ECEL1: variants seen among roughly 807,000 people sequenced by gnomAD.
ECEL1 encodes endothelin converting enzyme like 1.
ECEL1 carries 87 observed loss-of-function variants against 101.8 expected under a neutral mutation model. The ratio of observed to expected loss-of-function variants is 0.85; its 90% CI spans 0.72 to 1.02. The LOEUF is 1.02. ECEL1 is among the 50% of genes least tolerant of loss of function. The pLI is 0.00. For synonymous variants in ECEL1, 487 were observed against 468.7 expected, an observed-to-expected ratio of 1.04 and a Z score of -0.50; for missense variants, 1,032 against 1,079.2, an observed-to-expected ratio of 0.96 and a Z score of 0.61.
chr2:232,485,170 C>T (rs747259309), intron 3 of ECEL1, 29 bp downstream of exon 3: 4 of 1,613,076 alleles, frequency 2.5e-6, no homozygotes, highest in South Asian at 2.2e-5. Context: ...CCCAGGCCTT[C>T]CCTGCCTCCC....
rs150091758 is a variant in ECEL1, at chr2:232,484,522, C to T, written c.1134G>A (p.Ala378=). ...GCGACACCTGCTGCATGTAGTCTGT[C>T]GCCAGCAGCACCACCTCCTCTTCCT... ...FSEEEEVVLL[A]TDYMQQVSQL... is the part of the protein sequence containing the mutation. Residue 378 remains alanine (A), a synonymous_variant, in exon 6 of 18, where the codon GCG becomes GCA. Coordinates refer to ENST00000304546, the MANE Select transcript of ECEL1 (RefSeq NM_004826.4). 8.4e-5 allele frequency: 135 copies of T among 1,613,906 alleles called. No individual in the cohort carries two copies. The African/African-American group carries it at 1.4e-3, about 17-fold the overall frequency.
chr2:232,481,952 A>C lies in ECEL1; in HGVS notation c.1797-103T>G, dbSNP rs909432. On this transcript the variant is annotated intron_variant, in intron 12 of 17. Transcript: ENST00000304546. ...TCCCCTGGCCGGGCCAGGAGGTGGC[A>C]CAGGGAGGCCACAGAGGCATCCGTG... 0.98 allele frequency: 1,488,935 copies of C among 1,524,348 alleles called. 727,436 individuals carry two copies. Among genetic ancestry groups the C allele is most frequent in the South Asian group, 0.99 (84,821 of 85,328 alleles). The allele number at this position is 1,524,348 out of a possible 1,614,324, so 94.4% of individuals were successfully genotyped here.
At chr2:232,485,147 C>A in intron 3 of ECEL1, 52 bp downstream of exon 3, 1 of 1,612,328 alleles carries the variant, frequency 6.2e-7, no homozygotes, top group Non-Finnish European at 8.5e-7. Context: ...CCTGGATCCA[C>A]CCCTCCTGGG....
Position 232,484,487 on chromosome 2 carries a change from C to T in ECEL1, c.1169G>A (p.Arg390His), listed in dbSNP as rs149225442. ...DYMQQVSQLI[R>H]STPHRVLHNY... Reference sequence around the variant, plus strand: ...GCAGCCATACCGGTGGGGTGTGGAGCGGATGAGCTGCGACACCTGCTGCAT... The same window carrying T: ...GCAGCCATACCGGTGGGGTGTGGAGTGGATGAGCTGCGACACCTGCTGCAT... Residue 390 changes from arginine to histidine, a missense_variant, in exon 6 of 18, where the codon CGC becomes CAC. Arg to His is a conservative substitution (Grantham distance 29). Transcript: ENST00000304546. The T allele has an allele frequency of 1.0e-4, 163 of 1,613,854 alleles. 1 individual carries two copies. In the African/African-American group the frequency reaches 1.9e-3, roughly 19 times the overall value.
Position 232,481,587 on chromosome 2 carries a change from C to T in ECEL1, c.1908G>A (p.Thr636=), listed in dbSNP as rs148671826. 1.6e-5 allele frequency: 26 copies of T among 1,613,804 alleles called. No individual in the cohort carries two copies. Among genetic ancestry groups the T allele is most frequent in the Middle Eastern group, 1.7e-4 (1 of 6,060 alleles). Residue 636 remains threonine, a synonymous_variant, in exon 14 of 18, where the codon ACG becomes ACA. Coordinates refer to ENST00000304546, the MANE Select transcript of ECEL1 (RefSeq NM_004826.4). ...DRSGNLLHWW[T]EASYSRFLRK... is the part of the protein sequence containing the mutation. ...GCAGGAAGCGGCTGTAGGAGGCCTC[C>T]GTCCACCAGTGCAGCAGGTTCCCTG...
chr2:232,482,768 G>A, intron 10 of ECEL1, 83 bp downstream of exon 10: 3 of 1,556,304 alleles, frequency 1.9e-6, no homozygotes, highest in Non-Finnish European at 2.7e-6. Flanking sequence ...ATATCTGCAT[G>A]GCTGTGAGAC....
In ECEL1 at chr2:232,486,656, C is replaced by A. The variant is rs1425966154; in HGVS notation, c.-3G>T. ...GTCAGCGAATACGGGGGCTCCATGG[C>A]GCCGAGGCCGCCGCGGTGCAGACCT... On this transcript the variant is annotated 5_prime_UTR_variant, in exon 2 of 18. Transcript: ENST00000304546. The A allele has an allele frequency of 1.3e-6, 2 of 1,521,490 alleles. No homozygotes were observed. Among genetic ancestry groups the A allele is most frequent in the Non-Finnish European group, 1.7e-6 (2 of 1,145,138 alleles). 94.2% of individuals were successfully genotyped at this position (1,521,490 alleles called of 1,614,324 possible). A position where few individuals can be genotyped will look rare whatever the true frequency, so the allele number is the denominator to read the frequency against.
At position 232,480,468 on chromosome 2, in the gene ECEL1, C is replaced by T. The variant is rs1690548969; in HGVS notation, c.2159G>A (p.Cys720Tyr). 1.9e-6 allele frequency: 3 copies of T among 1,613,782 alleles called. No homozygotes were observed. The South Asian group carries it at 3.3e-5, about 18-fold the overall frequency. Residue 720 changes from cysteine to tyrosine, a missense_variant, in exon 17 of 18, where the codon TGC becomes TAC. By Grantham distance (194) the Cys-to-Tyr change is radical. Coordinates refer to ENST00000304546, the MANE Select transcript of ECEL1 (RefSeq NM_004826.4). Reference protein sequence around the residue: ...LFFIAFAQNWCIKRRSQSIYL... With the variant: ...LFFIAFAQNWYIKRRSQSIYL... ...GATGGACTGCGACCGCCGCTTGATG[C>T]ACCAGTTCTGGGTCCAGGAGCGGGG...
chr2:232,483,411 CT>C lies in ECEL1; in HGVS notation c.1506+4del. ...ACCAACCAATGACACTGGGTCCCCCCTCACCTTGGCCCGAGCAGCAGCCCTG... is the reference window on the plus strand; with the variant it reads ...ACCAACCAATGACACTGGGTCCCCCCCACCTTGGCCCGAGCAGCAGCCCTG... On this transcript the variant is annotated splice_donor_region_variant and intron_variant, in intron 8 of 17. Coordinates refer to ENST00000304546, the MANE Select transcript of ECEL1 (RefSeq NM_004826.4). 6.2e-7 allele frequency: 1 copy of C among 1,602,188 alleles called. No individual in the cohort carries two copies. The highest frequency in any genetic ancestry group is 8.5e-7 in the Non-Finnish European group (1 of 1,175,356).
In ECEL1 at chr2:232,485,014, T is replaced by C. The variant is rs1198375676; in HGVS notation, c.933A>G (p.Gln311=). The change falls in exon 4 of 18, where the codon CAA becomes CAG. Residue 311 remains glutamine, a synonymous_variant. Coordinates refer to ENST00000304546, the MANE Select transcript of ECEL1 (RefSeq NM_004826.4). ...LGADAVEQKA[Q]EILQVEQQLA... Reference sequence around the variant, plus strand: ...GCTGCTGCTCCACTTGCAGGATCTCTTGGGCCTTCTGTTCCACAGCGTCTG... The same window carrying C: ...GCTGCTGCTCCACTTGCAGGATCTCCTGGGCCTTCTGTTCCACAGCGTCTG... 5.6e-6 allele frequency: 9 copies of C among 1,613,004 alleles called. No individual in the cohort carries two copies. Among genetic ancestry groups the C allele is most frequent in the Admixed American group, 1.7e-5 (1 of 60,006 alleles).
intron 12 of ECEL1, among the ~76,000 whole-genome samples, chr2:232,482,155 ATTAGTGTTGCGCCACC>A (rs1690597973): frequency 1.3e-5 from 2 of 152,286 alleles, no homozygotes; most frequent in Admixed American, 6.5e-5. Context: ...CTACCTCATC[ATTAGTGTTGCGCCACC>A]TTTGAAACAT....
rs961756162 is a variant in ECEL1 at position 232,485,887 on chromosome 2, G to A, written c.767C>T (p.Ser256Phe). 15 of 1,561,296 alleles carry A rather than the reference G, an allele frequency of 9.6e-6. No individual in the cohort carries two copies. In the African/African-American group the frequency reaches 1.6e-4, roughly 17 times the overall value. Reference sequence around the variant, plus strand: ...ACTCACGCGGATGACGTAGCGCGAGGAGTTCCTGTCGTCCAGGCTGACCGT... The same window carrying A: ...ACTCACGCGGATGACGTAGCGCGAGAAGTTCCTGTCGTCCAGGCTGACCGT... ...SLTVSLDDRNSSRYVIRIDQD... is the reference protein window; with the variant it reads ...SLTVSLDDRNFSRYVIRIDQD... The change falls in exon 2 of 18, where the codon TCC becomes TTC. Residue 256 changes from serine (S) to phenylalanine (F), a missense_variant. Transcript: ENST00000304546.
intron 8 of ECEL1, 64 bp downstream of exon 8, chr2:232,483,352 C>T (rs965690672): frequency 2.6e-5 from 40 of 1,563,854 alleles, no homozygotes; most frequent in Non-Finnish European, 3.0e-5. Context: ...TGTTCTCTTT[C>T]GCTGGTACAC....
intron 10 of ECEL1, 24 bp from the exon 11 acceptor site, chr2:232,482,632 T>G: frequency 1.3e-6 from 2 of 1,599,404 alleles, no homozygotes; most frequent in Non-Finnish European, 1.7e-6. Flanking sequence ...CTGGGGTGAA[T>G]GGGGGGAACA....
rs772478270 is a variant in ECEL1 at position 232,485,925 on chromosome 2, C to A, written c.729G>T (p.Ala243=). 2.7e-5 allele frequency: 43 copies of A among 1,575,018 alleles called. 1 individual carries two copies. In the Middle Eastern group the frequency reaches 2.3e-3, roughly 86 times the overall value. The change falls in exon 2 of 18, where the codon GCG becomes GCT. Residue 243 remains alanine, a synonymous_variant. Transcript: ENST00000304546. ...YKAQGVYSAA[A]LFSLTVSLDD... is the part of the protein sequence containing the mutation. Reference sequence around the variant, plus strand: ...CCAGGCTGACCGTGAGCGAGAAGAGCGCGGCGGCGCTGTACACGCCCTGCG... The same window carrying A: ...CCAGGCTGACCGTGAGCGAGAAGAGAGCGGCGGCGCTGTACACGCCCTGCG...
chr2:232,484,340 A>C lies in ECEL1; in HGVS notation c.1185-117T>G, dbSNP rs1690664281. 1.2e-5 allele frequency: 19 copies of C among 1,561,412 alleles called. No individual in the cohort carries two copies. In the South Asian group the frequency reaches 2.3e-4, roughly 19 times the overall value. ...CTGGACCCAGGACCCAGACAGCCCC[A>C]CAAAGAAGGGACAGGGGGTCATCCC... On this transcript the variant is annotated intron_variant, in intron 6 of 17. Coordinates refer to ENST00000304546, the MANE Select transcript of ECEL1 (RefSeq NM_004826.4).
rs1246438631 is a variant in ECEL1 at position 232,479,932 on chromosome 2, T to C, written c.*221A>G. The C allele has an allele frequency of 3.4e-6, 2 of 588,324 alleles. No individual in the cohort carries two copies. Among genetic ancestry groups the C allele is most frequent in the Non-Finnish European group, 6.1e-6 (2 of 329,514 alleles). The allele number at this position is 588,324 out of a possible 1,614,324, so 36.4% of individuals were successfully genotyped here. A position where few individuals can be genotyped will look rare whatever the true frequency, so the allele number is the denominator to read the frequency against. On this transcript the variant is annotated 3_prime_UTR_variant, in exon 18 of 18. Transcript: ENST00000304546. Reference sequence around the variant, plus strand: ...GGTCTGGCCCCCTTAGAGCAGAATCTGGGGACCCCAGTATATTTCCCTCAC... The same window carrying C: ...GGTCTGGCCCCCTTAGAGCAGAATCCGGGGACCCCAGTATATTTCCCTCAC...
chr2:232,482,409 T>C lies in ECEL1; in HGVS notation c.1796+9A>G, dbSNP rs1235268149. The C allele has an allele frequency of 1.2e-6, 2 of 1,613,730 alleles. No individual in the cohort carries two copies. The highest frequency in any genetic ancestry group is 8.5e-7 in the Non-Finnish European group (1 of 1,180,030). ...CCTCAGCCACAAACAGGGCAAGCTA[T>C]GTACTCACTGTGGGAAGTCAGGGTC... On this transcript the variant is annotated intron_variant, in intron 12 of 17. Transcript: ENST00000304546.
intron 10 of ECEL1, 48 bp from the exon 11 acceptor site, chr2:232,482,656 G>T: frequency 1.9e-6 from 3 of 1,574,456 alleles, no homozygotes. Flanking sequence ...TCCCTCCCCC[G>T]CTACCCTCAC....
Sources: gnomAD v4.1 joint callset for allele counts (sites outside exome capture counted in the v4.1 genomes callset) on GRCh38, gnomAD v4.1.1 for gene constraint, MANE v1.5 for transcripts, NCBI Gene and HGNC (gene_info 2026-07-23, HGNC 2026-07-21) for gene names.